The following HEATR5A variants were observed in gnomAD, a reference collection of about 807,000 sequenced individuals.
HEATR5A encodes HEAT repeat-containing protein 5A.
HEATR5A carries 178 observed loss-of-function variants against 218.8 expected under a neutral mutation model. That is an observed-to-expected ratio of 0.81 (90% CI 0.72 to 0.92). HEATR5A has a LOEUF of 0.92. Ranked by LOEUF, HEATR5A falls within the 40% of genes least tolerant of loss-of-function variation. The probability of loss-of-function intolerance (pLI) is 0.00; values close to 1 mark genes in which losing one functional copy is unlikely to be tolerated. For synonymous variants in HEATR5A, 864 were observed against 871.6 expected (o/e 0.99, Z 0.15); for missense variants, 2,420 against 2,418.9 (o/e 1.00, Z -0.01).
At chr14:31,379,141 C>T (rs2029882546) in intron 11 of HEATR5A, among the ~76,000 whole-genome samples, 2 of 151,144 alleles carry the variant, frequency 1.3e-5, no homozygotes, top group African/African-American at 4.9e-5. Flanking sequence ...AGCAAGATTT[C>T]ACCGTGTTGT....
intron 6 of HEATR5A, 39 bp from the exon 7 acceptor site, chr14:31,389,044 A>G (rs755436080): frequency 1.3e-6 from 2 of 1,504,618 alleles, no homozygotes; most frequent in African/African-American, 1.4e-5. Context: ...TATTTTACAG[A>G]CTAAATTTTA....
At position 31,395,258 on chromosome 14, in the gene HEATR5A, T is replaced by C. The variant is rs1294722209; in HGVS notation, c.538A>G (p.Lys180Glu). The C allele has an allele frequency of 6.5e-7, 1 of 1,533,916 alleles. No individual in the cohort carries two copies. Among genetic ancestry groups the C allele is most frequent in the Non-Finnish European group, 8.7e-7 (1 of 1,144,946 alleles). ...AAAPCHRDVY[K>E]AARSCLTDRS... ...TCTGTCAAGCAGGATCTAGCAGCTT[T>C]ATAAACATCCCTGTGACAAGGTGCA... The change falls in exon 5 of 36, where the codon AAA becomes GAA. Residue 180 changes from lysine to glutamate, a missense_variant. Lys to Glu is a moderately conservative substitution (Grantham distance 56, BLOSUM62 1). Transcript: ENST00000543095.
chr14:31,306,845 C>T lies in HEATR5A; in HGVS notation c.4853G>A (p.Arg1618Gln), dbSNP rs552240410. 7 of 1,613,054 alleles carry T rather than the reference C, an allele frequency of 4.3e-6. No individual in the cohort carries two copies. The highest frequency in any genetic ancestry group is 4.5e-5 in the East Asian group (2 of 44,838). ...AGGTGATTCTCTGGTTAAAATTACT[C>T]GATGTAGAACATTCAGCAATTCTAT... ...LGIELLNVLH[R>Q]VILTRESPSI... is the part of the protein sequence containing the mutation. The change falls in exon 31 of 36, where the codon CGA becomes CAA. Residue 1618 changes from arginine (R) to glutamine (Q), a missense_variant. Coordinates refer to ENST00000543095, the MANE Select transcript of HEATR5A (RefSeq NM_015473.4).
At chr14:31,316,862 T>G (rs1899928908) in intron 26 of HEATR5A, among the ~76,000 whole-genome samples, 1 of 152,018 alleles carries the variant, frequency 6.6e-6, no homozygotes, top group African/African-American at 2.4e-5. Context: ...TAATTTTTTA[T>G]TTTTTTATAG....
In HEATR5A at chr14:31,387,317, G is replaced by A; in HGVS notation, c.992C>T (p.Ala331Val). 1.9e-6 allele frequency: 3 copies of A among 1,613,818 alleles called. No individual in the cohort carries two copies. Among genetic ancestry groups the A allele is most frequent in the Non-Finnish European group, 2.5e-6 (3 of 1,179,754 alleles). ...GGAWLEKNFA[A>V]FFSHILSLAS... Reference sequence around the variant, plus strand: ...AAGGCTTAGGATATGAGAAAAAAAGGCAGCAAAATTTTTCTCTAGCCAAGC... The same window carrying A: ...AAGGCTTAGGATATGAGAAAAAAAGACAGCAAAATTTTTCTCTAGCCAAGC... The change falls in exon 8 of 36, where the codon GCC becomes GTC. Residue 331 changes from alanine (A) to valine (V), a missense_variant. Physicochemically the swap from Ala to Val is moderately conservative, Grantham distance 64. Transcript: ENST00000543095.
intron 16 of HEATR5A, among the ~76,000 whole-genome samples, chr14:31,352,221 C>T (rs745407109): frequency 1.3e-5 from 2 of 152,134 alleles, no homozygotes; most frequent in Non-Finnish European, 2.9e-5. Flanking sequence ...CTGAAATACG[C>T]TGAAGATAAC....
chr14:31,382,223 G>A (rs1377956389), intron 10 of HEATR5A, among the ~76,000 whole-genome samples: 1 of 152,204 alleles, frequency 6.6e-6, no homozygotes, highest in Admixed American at 6.5e-5. Flanking sequence ...TTAGCAAGAT[G>A]TGATGTGTTA....
intron 1 of HEATR5A, among the ~76,000 whole-genome samples, chr14:31,419,333 T>A (rs895657913): frequency 1.3e-5 from 2 of 152,178 alleles, no homozygotes; most frequent in African/African-American, 4.8e-5. Context: ...TCGGCTTCGA[T>A]ACTTTATCTA....
chr14:31,300,410 T>C (rs761764823), intron 33 of HEATR5A, among the ~76,000 whole-genome samples: 1 of 151,958 alleles, frequency 6.6e-6, no homozygotes, highest in Non-Finnish European at 1.5e-5. Context: ...AATCCATTTC[T>C]ATGATGTCCA....
At chr14:31,352,676 G>T (rs186617756) in intron 16 of HEATR5A, among the ~76,000 whole-genome samples, 1 of 152,284 alleles carries the variant, frequency 6.6e-6, no homozygotes, top group Admixed American at 6.5e-5. Context: ...ATGTAATAAA[G>T]GCCAGGCGCA....
At chr14:31,326,489 C>A in intron 22 of HEATR5A, 147 bp from the exon 23 acceptor site, 2 of 623,636 alleles carry the variant, frequency 3.2e-6, no homozygotes, top group Non-Finnish European at 2.8e-6. Flanking sequence ...CTACTGAGAT[C>A]CATTTTAGTT....
intron 21 of HEATR5A, among the ~76,000 whole-genome samples, chr14:31,342,120 C>A (rs1416621784): frequency 6.6e-6 from 1 of 152,138 alleles, no homozygotes; most frequent in Non-Finnish European, 1.5e-5. Context: ...GGCATGGTGG[C>A]TCACACCTCT....
At chr14:31,375,354 AT>A (rs1284961680) in intron 11 of HEATR5A, among the ~76,000 whole-genome samples, 1 of 152,218 alleles carries the variant, frequency 6.6e-6, no homozygotes, top group Non-Finnish European at 1.5e-5. Context: ...AATGGACCAC[AT>A]AAATGCAAAG....
chr14:31,315,394 C>G (rs552349462), intron 27 of HEATR5A, among the ~76,000 whole-genome samples: 1 of 152,166 alleles, frequency 6.6e-6, no homozygotes, highest in Non-Finnish European at 1.5e-5. Flanking sequence ...AAAATAACGA[C>G]TACTTACTAT....
At chr14:31,375,153 A>G (rs1902179702) in intron 11 of HEATR5A, among the ~76,000 whole-genome samples, 185 bp from the exon 12 acceptor site, 1 of 152,224 alleles carries the variant, frequency 6.6e-6, no homozygotes, top group African/African-American at 2.4e-5. Flanking sequence ...GCTGGAGTAC[A>G]GAGAGGAAAA....
At chr14:31,303,454 CAAAA>C (rs937079971) in intron 32 of HEATR5A, among the ~76,000 whole-genome samples, 7 of 151,738 alleles carry the variant, frequency 4.6e-5, no homozygotes, top group African/African-American at 1.7e-4. Context: ...AAACAAAAAA[CAAAA>C]AAACACCTTT....
At chr14:31,332,316 C>T (rs763014761) in intron 22 of HEATR5A, among the ~76,000 whole-genome samples, 18 of 152,214 alleles carry the variant, frequency 1.2e-4, no homozygotes, top group Non-Finnish European at 2.5e-4. Context: ...TGTGTTCTGA[C>T]TGCTCCAAGC....
intron 17 of HEATR5A, 47 bp downstream of exon 17, chr14:31,350,565 T>G (rs1211245836): frequency 3.7e-6 from 4 of 1,078,738 alleles, no homozygotes; most frequent in Admixed American, 4.9e-5. Flanking sequence ...GGCTACAAAT[T>G]TTTTAAAAAA....
In HEATR5A at chr14:31,303,325, C is replaced by T. The variant is rs376591243; in HGVS notation, c.5240-806G>A. ...GCACGCGCCTGTAGTCCCAGATACT[C>T]GGGAGGCTGAGGCAGAAGAACTGCT... On this transcript the variant is annotated intron_variant, in intron 32 of 35. Transcript: ENST00000543095. Among the ~76,000 whole-genome samples, 99 of 152,084 alleles carry T rather than the reference C, an allele frequency of 6.5e-4. 1 individual carries two copies. The South Asian group carries it at 0.017, about 27-fold the overall frequency.
Sources: allele counts gnomAD v4.1 joint callset (sites outside exome capture counted in the v4.1 genomes callset), GRCh38; gene constraint gnomAD v4.1.1; transcripts MANE v1.5; gene names NCBI Gene and HGNC (gene_info 2026-07-23, HGNC 2026-07-21).